CFDP1: variants seen among roughly 807,000 people sequenced by gnomAD.
CFDP1 encodes the protein heterochromatin-stabilizing protein CFDP1.
A neutral mutation model predicts 40.1 loss-of-function variants in CFDP1; 31 were observed. That is an observed-to-expected ratio of 0.77 (90% CI 0.58 to 1.04). The LOEUF (loss-of-function observed/expected upper bound fraction) is 1.04. Among genes scored for constraint, CFDP1 ranks in the 50% least tolerant of loss-of-function variants. The probability of loss-of-function intolerance (pLI) is 0.00; values close to 1 mark genes in which losing one functional copy is unlikely to be tolerated. For synonymous variants in CFDP1, 167 were observed against 120.0 expected (o/e 1.39, Z -2.56); for missense variants, 423 against 343.4 (o/e 1.23, Z -1.83).
intron 5 of CFDP1, among the ~76,000 whole-genome samples, chr16:75,356,883 C>G (rs1244719231): frequency 6.6e-6 from 1 of 150,742 alleles, no homozygotes; most frequent in Non-Finnish European, 1.5e-5. Context: ...TCTTGTACTT[C>G]CATGTTATGG....
intron 6 of CFDP1, among the ~76,000 whole-genome samples, chr16:75,303,161 T>C (rs946051622): frequency 2.0e-5 from 3 of 148,450 alleles, no homozygotes; most frequent in East Asian, 2.0e-4. Flanking sequence ...GATCACGCCA[T>C]TGCATTCCAG....
In CFDP1 at chr16:75,412,531, T is replaced by C; in HGVS notation, c.402+4A>G. On this transcript the variant is annotated splice_donor_region_variant and intron_variant, in intron 3 of 6. Coordinates refer to ENST00000283882, the MANE Select transcript of CFDP1 (RefSeq NM_006324.3). ...GCATTCACCTCACTAATGTCTCAACTTACCTTAACTTGTGTACTTGGGGGC... is the reference window on the plus strand; with the variant it reads ...GCATTCACCTCACTAATGTCTCAACCTACCTTAACTTGTGTACTTGGGGGC... 1 of 1,611,724 alleles carries C rather than the reference T, an allele frequency of 6.2e-7. No homozygotes were observed. Among genetic ancestry groups the C allele is most frequent in the South Asian group, 1.1e-5 (1 of 91,032 alleles).
intron 4 of CFDP1, among the ~76,000 whole-genome samples, chr16:75,400,389 T>C (rs1017128938): frequency 6.6e-6 from 1 of 152,190 alleles, no homozygotes; most frequent in Non-Finnish European, 1.5e-5. Context: ...CCATGTGGAA[T>C]GGCCAAAAAC....
intron 5 of CFDP1, among the ~76,000 whole-genome samples, chr16:75,330,979 A>C (rs950778994): frequency 1.2e-4 from 18 of 151,036 alleles, no homozygotes; most frequent in African/African-American, 4.1e-4. Context: ...AAAAAAAAAA[A>C]AAAAAACACA....
chr16:75,333,892 C>T (rs112140786), intron 5 of CFDP1, among the ~76,000 whole-genome samples: 248 of 152,208 alleles, frequency 1.6e-3, no homozygotes, highest in African/African-American at 5.6e-3. Context: ...TCTCCACAAG[C>T]GATTCAAAAA....
chr16:75,322,716 A>C lies in CFDP1; in HGVS notation c.651-17534T>G, dbSNP rs757038893. Reference sequence around the variant, plus strand: ...ACTCAAAGGAGCATTTCGAATTTTGAATTTCCAGATTTGGGGTGCTCAACC... The same window carrying C: ...ACTCAAAGGAGCATTTCGAATTTTGCATTTCCAGATTTGGGGTGCTCAACC... On this transcript the variant is annotated intron_variant, in intron 5 of 6. Transcript: ENST00000283882. Among the ~76,000 whole-genome samples, 62 of 152,272 alleles carry C rather than the reference A, an allele frequency of 4.1e-4. 1 individual carries two copies. The highest frequency in any genetic ancestry group is 3.4e-3 in the Middle Eastern group (1 of 294).
chr16:75,398,161 T>A (rs1429589271), intron 4 of CFDP1, among the ~76,000 whole-genome samples: 2 of 152,236 alleles, frequency 1.3e-5, no homozygotes, highest in African/African-American at 4.8e-5. Flanking sequence ...TCATTGTACA[T>A]CACTGAGTTT....
intron 6 of CFDP1, among the ~76,000 whole-genome samples, chr16:75,303,433 G>GA (rs1264999969): frequency 6.2e-4 from 35 of 56,632 alleles, no homozygotes; most frequent in East Asian, 4.7e-3. Context: ...GTATGTTTAG[G>GA]GAAAAAAAAA....
intron 5 of CFDP1, among the ~76,000 whole-genome samples, chr16:75,389,827 G>C (rs1183718811): frequency 1.3e-5 from 2 of 152,158 alleles, no homozygotes; most frequent in African/African-American, 4.8e-5. Context: ...TGCCCACTCA[G>C]ATACCCCAGA....
At chr16:75,326,235 C>T (rs144886942) in intron 5 of CFDP1, among the ~76,000 whole-genome samples, 33 of 152,210 alleles carry the variant, frequency 2.2e-4, no homozygotes, top group Admixed American at 5.2e-4. Flanking sequence ...ACACTGCAGC[C>T]GGGTTGCTTT....
chr16:75,393,967 A>AC (rs2078975305), intron 5 of CFDP1, among the ~76,000 whole-genome samples: 1 of 151,702 alleles, frequency 6.6e-6, no homozygotes, highest in Non-Finnish European at 1.5e-5. Flanking sequence ...AGGCAGAAGA[A>AC]TGACATGAAC....
intron 5 of CFDP1, among the ~76,000 whole-genome samples, chr16:75,332,202 C>T (rs993909728): frequency 9.2e-5 from 14 of 152,156 alleles, no homozygotes; most frequent in African/African-American, 3.1e-4. Context: ...CGGTGGCTCA[C>T]GCCTGTAATC....
At chr16:75,314,471 T>C (rs1427291682) in intron 5 of CFDP1, among the ~76,000 whole-genome samples, 1 of 151,572 alleles carries the variant, frequency 6.6e-6, no homozygotes, top group African/African-American at 2.4e-5. Flanking sequence ...CAAGGAGAAA[T>C]GGGGATAGGA....
intron 5 of CFDP1, among the ~76,000 whole-genome samples, chr16:75,350,850 T>G (rs1436872855): frequency 6.6e-6 from 1 of 152,136 alleles, no homozygotes; most frequent in Non-Finnish European, 1.5e-5. Context: ...AATAAAAATT[T>G]AAATGGGAAC....
At chr16:75,347,520 A>G (rs936309017) in intron 5 of CFDP1, among the ~76,000 whole-genome samples, 1 of 151,532 alleles carries the variant, frequency 6.6e-6, no homozygotes, top group African/African-American at 2.4e-5. Flanking sequence ...TCTACTAAAA[A>G]TACAAAAAAT....
At chr16:75,332,451 T>G (rs1322467253) in intron 5 of CFDP1, among the ~76,000 whole-genome samples, 1 of 151,280 alleles carries the variant, frequency 6.6e-6, no homozygotes, top group Middle Eastern at 3.2e-3. Flanking sequence ...GGTGACAGAG[T>G]GAGACTCCAT....
rs57916101 is a variant in CFDP1, at chr16:75,356,399, A to C, written c.650+38691T>G. ...ATGACTGGGTACACTGTCAATGAGC[A>C]GTAACATTTTGAAAGGAATCTTTCT... On this transcript the variant is annotated intron_variant, in intron 5 of 6. Transcript: ENST00000283882. 1.0e-2 allele frequency among the ~76,000 whole-genome samples: 1,516 copies of C among 152,344 alleles called. 15 individuals are homozygous for C. Among genetic ancestry groups the C allele is most frequent in the African/African-American group, 0.035 (1,436 of 41,578 alleles).
chr16:75,310,300 CT>C (rs1342042347), intron 5 of CFDP1, among the ~76,000 whole-genome samples: 1 of 152,174 alleles, frequency 6.6e-6, no homozygotes, highest in Admixed American at 6.5e-5. Context: ...GCTTATCTTT[CT>C]TGCATATTTT....
At position 75,346,491 on chromosome 16, in the gene CFDP1, G is replaced by A. The variant is rs543509107; in HGVS notation, c.651-41309C>T. On this transcript the variant is annotated intron_variant, in intron 5 of 6. Transcript: ENST00000283882. ...CCAGCTACTCGGGAGGCTAAGGCAGGAGAATGGCGTGAACCTGGGAGACGG... is the reference window on the plus strand; with the variant it reads ...CCAGCTACTCGGGAGGCTAAGGCAGAAGAATGGCGTGAACCTGGGAGACGG... Among the ~76,000 whole-genome samples, 30 of 150,048 alleles carry A rather than the reference G, an allele frequency of 2.0e-4. 2 individuals are homozygous for A. In the South Asian group the frequency reaches 5.7e-3, roughly 29 times the overall value.
Sources: allele counts gnomAD v4.1 joint callset (sites outside exome capture counted in the v4.1 genomes callset), GRCh38; gene constraint gnomAD v4.1.1; transcripts MANE v1.5; gene names NCBI Gene and HGNC (gene_info 2026-07-23, HGNC 2026-07-21).